ATXN10: variants seen among roughly 807,000 people sequenced by gnomAD.
ATXN10 encodes ataxin 10, also known as ataxin-10.
ATXN10 carries 28 observed loss-of-function variants against 52.9 expected under a neutral mutation model. The ratio of observed to expected loss-of-function variants is 0.53; its 90% CI spans 0.39 to 0.73. The LOEUF is 0.73. Ranked by LOEUF, ATXN10 falls within the 30% of genes least tolerant of loss-of-function variation. The pLI is 0.00. For missense variants in ATXN10, 565 were observed against 577.0 expected (o/e 0.98, Z 0.21); for synonymous variants, 226 against 221.5 (o/e 1.02, Z -0.18).
chr22:45,804,978 C>T (rs919016476), intron 9 of ATXN10, among the ~76,000 whole-genome samples: 1 of 152,172 alleles, frequency 6.6e-6, no homozygotes, highest in Non-Finnish European at 1.5e-5. Flanking sequence ...GGCGATCCTC[C>T]CGCAGCAGTC....
chr22:45,673,191 C>T (rs1351660277), intron 1 of ATXN10: 1 of 152,246 alleles, frequency 6.6e-6, no homozygotes, highest in Non-Finnish European at 1.5e-5. Context: ...CATGTATCAG[C>T]TATTGTGCTA....
intron 7 of ATXN10, 88 bp from the exon 8 acceptor site, chr22:45,738,627 CTCTTTAAATTTATTGA>C (rs1925390951): frequency 1.0e-6 from 1 of 1,002,288 alleles, no homozygotes; most frequent in African/African-American, 1.6e-5. Flanking sequence ...CAAGCACAGA[CTCTTTAAATTTATTGA>C]AATATTTTAT....
chr22:45,673,730 T>C (rs1922567967), intron 1 of ATXN10: 1 of 152,112 alleles, frequency 6.6e-6, no homozygotes, highest in Non-Finnish European at 1.5e-5. Context: ...AGCATGTGGA[T>C]ATGTTGGAAG....
In ATXN10 at chr22:45,744,862, T is replaced by C. The variant is rs892387679; in HGVS notation, c.1173+4324T>C. On this transcript the variant is annotated intron_variant, in intron 9 of 11. Coordinates refer to ENST00000252934, the MANE Select transcript of ATXN10 (RefSeq NM_013236.4). This position sits in a 1 kb window ranked among gnomAD's most constrained non-coding sequence, Gnocchi z 4.9. ...AAAATCTGCACAGAAATGTATTTTA[T>C]CCCAAATTCTCATGAGTCTTTAATG... The C allele has an allele frequency of 2.6e-5, 4 of 152,172 alleles. No individual in the cohort carries two copies. The highest frequency in any genetic ancestry group is 9.7e-5 in the African/African-American group (4 of 41,448). 9.4% of individuals were successfully genotyped at this position (152,172 alleles called of 1,614,324 possible). A position where few individuals can be genotyped will look rare whatever the true frequency, so the allele number is the denominator to read the frequency against.
At chr22:45,831,000 G>A (rs1015828449) in intron 10 of ATXN10, among the ~76,000 whole-genome samples, 2 of 152,148 alleles carry the variant, frequency 1.3e-5, no homozygotes, top group Non-Finnish European at 2.9e-5. Flanking sequence ...ACAAAATGTG[G>A]CCTCTACATT....
chr22:45,817,184 T>C (rs58901372), intron 10 of ATXN10, among the ~76,000 whole-genome samples: 3,160 of 152,242 alleles, frequency 0.021, 127 homozygotes, highest in African/African-American at 0.073. Context: ...CGGCCTCTCT[T>C]CCGCTGATTT....
chr22:45,703,002 A>C (rs1923899735), intron 5 of ATXN10, among the ~76,000 whole-genome samples, 155 bp downstream of exon 5: 1 of 152,246 alleles, frequency 6.6e-6, no homozygotes, highest in African/African-American at 2.4e-5. Flanking sequence ...TTTGAGCAGA[A>C]TCTAGAGAAC....
intron 9 of ATXN10, among the ~76,000 whole-genome samples, chr22:45,785,572 C>T (rs1812472303): frequency 6.6e-6 from 1 of 152,126 alleles, no homozygotes; most frequent in African/African-American, 2.4e-5. Flanking sequence ...GTTTTCTTAC[C>T]GTTTACTAGA....
In ATXN10 at chr22:45,783,671, G is replaced by T. The variant is rs941144832; in HGVS notation, c.1174-23288G>T. Among the ~76,000 whole-genome samples, 15 of 152,178 alleles carry T rather than the reference G, an allele frequency of 9.9e-5. No individual in the cohort carries two copies. The highest frequency in any genetic ancestry group is 3.4e-4 in the African/African-American group (14 of 41,448). ...CCACATCCTGACATTGGTAAGAGCA[G>T]TACCTGTTTCTGATTTACCTTTTAG... On this transcript the variant is annotated intron_variant, in intron 9 of 11. Transcript: ENST00000252934. This position sits in a 1 kb window ranked among gnomAD's most constrained non-coding sequence, Gnocchi z 5.0.
intron 10 of ATXN10, among the ~76,000 whole-genome samples, chr22:45,829,648 A>T (rs557501180): frequency 1.3e-5 from 2 of 152,338 alleles, no homozygotes; most frequent in East Asian, 3.9e-4. Context: ...AAATAATAAA[A>T]TACTTAGGAA....
chr22:45,788,359 A>G (rs905646753), intron 9 of ATXN10, among the ~76,000 whole-genome samples: 2 of 151,250 alleles, frequency 1.3e-5, no homozygotes, highest in East Asian at 3.9e-4. Context: ...CCACACATCC[A>G]TTTCAACCAG....
rs995455612 is a variant in ATXN10, at chr22:45,762,710, C to T, written c.1173+22172C>T. Among the ~76,000 whole-genome samples, 16 of 152,218 alleles carry T rather than the reference C, an allele frequency of 1.1e-4. No homozygotes were observed. The highest frequency in any genetic ancestry group is 3.4e-4 in the African/African-American group (14 of 41,452). The stretch of plus-strand genomic sequence containing the variant: ...TCCCCCAGAGGCCACCTCACTCTTA[C>T]TCCTGTCTCCAGGCTGGTGACCTCA... On this transcript the variant is annotated intron_variant, in intron 9 of 11. Coordinates refer to ENST00000252934, the MANE Select transcript of ATXN10 (RefSeq NM_013236.4). This position sits in a 1 kb window ranked among gnomAD's most constrained non-coding sequence, Gnocchi z 4.3.
intron 9 of ATXN10, among the ~76,000 whole-genome samples, chr22:45,804,808 T>C (rs1928045192): frequency 6.6e-6 from 1 of 152,208 alleles, no homozygotes; most frequent in Non-Finnish European, 1.5e-5. Context: ...CATTCCTGTT[T>C]CCTCCACCCC....
Position 45,671,936 on chromosome 22 carries a change from A to T in ATXN10, c.-128A>T. On this transcript the variant is annotated 5_prime_UTR_variant, in exon 1 of 12. Coordinates refer to ENST00000252934, the MANE Select transcript of ATXN10 (RefSeq NM_013236.4). Reference sequence around the variant, plus strand: ...GCGGGCTGCAGCGGCGGCGGCGGTTAGGGCTGTGTAGGGCGAGGCCTCCCC... The same window carrying T: ...GCGGGCTGCAGCGGCGGCGGCGGTTTGGGCTGTGTAGGGCGAGGCCTCCCC... 9.7e-7 allele frequency: 1 copy of T among 1,029,886 alleles called. No homozygotes were observed. The highest frequency in any genetic ancestry group is 1.4e-6 in the Non-Finnish European group (1 of 722,958). The allele number at this position is 1,029,886 out of a possible 1,614,324, so 63.8% of individuals were successfully genotyped here.
chr22:45,828,121 TAGG>T lies in ATXN10; in HGVS notation c.1238-14865_1238-14863del, dbSNP rs1216358567. Among the ~76,000 whole-genome samples the T allele has an allele frequency of 2.0e-5, 3 of 151,498 alleles. No homozygotes were observed. Among genetic ancestry groups the T allele is most frequent in the Non-Finnish European group, 4.4e-5 (3 of 67,906 alleles). ...ATCCCAGCAGTTTGGGAGGCCAAAG[TAGG>T]AGGATTGCTGGAGGCCAGGAGTTCA... On this transcript the variant is annotated intron_variant, in intron 10 of 11. Coordinates refer to ENST00000252934, the MANE Select transcript of ATXN10 (RefSeq NM_013236.4). The surrounding 1 kb of genome is among the most constrained non-coding windows in gnomAD (Gnocchi z 4.5).
intron 7 of ATXN10, among the ~76,000 whole-genome samples, chr22:45,730,344 CAA>C (rs138162): frequency 0.021 from 1,648 of 77,130 alleles, 14 homozygotes; most frequent in African/African-American, 0.042. Flanking sequence ...ACCCTTGTCT[CAA>C]AAAAAAAAAA....
chr22:45,799,156 C>G (rs199647480), intron 9 of ATXN10, among the ~76,000 whole-genome samples: 1 of 151,962 alleles, frequency 6.6e-6, no homozygotes, highest in Non-Finnish European at 1.5e-5. Context: ...CTGCAACCCC[C>G]GCCTCCCGGG....
Position 45,763,087 on chromosome 22 carries a change from G to C in ATXN10, c.1173+22549G>C, listed in dbSNP as rs1926456678. On this transcript the variant is annotated intron_variant, in intron 9 of 11. Transcript: ENST00000252934. The surrounding 1 kb of genome is among the most constrained non-coding windows in gnomAD (Gnocchi z 6.9). ...CCCTTTTCCTGGAGTAGGAGGCTGT[G>C]GCTACAGCATTTTCATCTGGAAGGA... Among the ~76,000 whole-genome samples, 1 of 152,278 alleles carries C rather than the reference G, an allele frequency of 6.6e-6. No homozygotes were observed. The highest frequency in any genetic ancestry group is 2.4e-5 in the African/African-American group (1 of 41,558).
At chr22:45,756,006 C>T (rs1168490042) in intron 9 of ATXN10, among the ~76,000 whole-genome samples, 1 of 151,956 alleles carries the variant, frequency 6.6e-6, no homozygotes, top group Non-Finnish European at 1.5e-5. Context: ...CACCCACCCA[C>T]CTCCTCCTTC....
Sources: gnomAD v4.1 joint callset for allele counts (sites outside exome capture counted in the v4.1 genomes callset) on GRCh38, gnomAD v4.1.1 for gene constraint, Gnocchi (gnomAD v3.1) non-coding constraint, MANE v1.5 for transcripts, NCBI Gene and HGNC (gene_info 2026-07-23, HGNC 2026-07-21) for gene names.